G3BP1: variants seen among roughly 807,000 people sequenced by gnomAD.
G3BP1 encodes G3BP stress granule assembly factor 1.
Under a neutral mutation model 58.6 loss-of-function variants are expected in G3BP1, and 35 were observed. The ratio of observed to expected loss-of-function variants is 0.60; its 90% confidence interval spans 0.46 to 0.79. The LOEUF (loss-of-function observed/expected upper bound fraction) is 0.79. G3BP1 is among the 30% of genes least tolerant of loss of function. The pLI is 0.00. For missense variants in G3BP1, 523 were observed against 580.8 expected (o/e 0.90, Z 1.02); for synonymous variants, 191 against 195.4 (o/e 0.98, Z 0.19).
In G3BP1 at chr5:151,797,379, C is replaced by A; in HGVS notation, c.692C>A (p.Ser231Tyr). The A allele has an allele frequency of 6.2e-7, 1 of 1,613,416 alleles. No individual in the cohort carries two copies. Among genetic ancestry groups the A allele is most frequent in the Non-Finnish European group, 8.5e-7 (1 of 1,179,592 alleles). Residue 231 changes from serine to tyrosine, a missense_variant, in exon 7 of 12, where the codon TCT becomes TAT. Around this residue, in one of 2 missense-constraint regions of G3BP1, gnomAD observed 398 missense variants for 399.1 expected, o/e 1.00. Transcript: ENST00000356245. ...ETAPEDAQKS[S>Y]SPAPADIAQT... ...GCCCCTGAGGATGCTCAGAAGAGTT[C>A]TTCTCCAGCACCTGCAGACATAGCT...
intron 1 of G3BP1, among the ~76,000 whole-genome samples, chr5:151,774,741 C>T (rs1281680846): frequency 6.6e-6 from 1 of 151,402 alleles, no homozygotes; most frequent in East Asian, 1.9e-4. Context: ...AAGCCTCGCC[C>T]GCCCCCCAGT....
At position 151,809,460 on chromosome 5, in the gene G3BP1, C is replaced by G. The variant is rs892921445; in HGVS notation, c.*5369C>G. The G allele has an allele frequency of 6.6e-6, 1 of 152,146 alleles. No homozygotes were observed. The highest frequency in any genetic ancestry group is 1.5e-5 in the Non-Finnish European group (1 of 68,034). The allele number at this position is 152,146 out of a possible 1,614,324, so 9.4% of individuals were successfully genotyped here. A position where few individuals can be genotyped will look rare whatever the true frequency, so the allele number is the denominator to read the frequency against. ...AGGATAGGGTGGAAGTAAAATTTAG[C>G]TGATAGCATAGGGATCATTTGTGAT... On this transcript the variant is annotated 3_prime_UTR_variant, in exon 12 of 12. Coordinates refer to ENST00000356245, the MANE Select transcript of G3BP1 (RefSeq NM_005754.3).
At chr5:151,777,212 G>T (rs1762387329) in intron 1 of G3BP1, among the ~76,000 whole-genome samples, 1 of 152,072 alleles carries the variant, frequency 6.6e-6, no homozygotes, top group Admixed American at 6.5e-5. Flanking sequence ...AAAAGATTTT[G>T]TTTCTAAATT....
At chr5:151,774,621 G>T (rs1316872650) in intron 1 of G3BP1, among the ~76,000 whole-genome samples, 1 of 150,710 alleles carries the variant, frequency 6.6e-6, no homozygotes, top group Non-Finnish European at 1.5e-5. Flanking sequence ...AATAGGCATT[G>T]TATGTTTGTT....
chr5:151,793,085 T>C (rs1408589440), intron 4 of G3BP1, among the ~76,000 whole-genome samples: 2 of 151,968 alleles, frequency 1.3e-5, no homozygotes, highest in Non-Finnish European at 2.9e-5. Flanking sequence ...TGGGGAATTT[T>C]AAATATCTGC....
chr5:151,800,237 A>G lies in G3BP1; in HGVS notation c.975A>G (p.Gln325=). 6.2e-7 allele frequency: 1 copy of G among 1,612,790 alleles called. No homozygotes were observed. Among genetic ancestry groups the G allele is most frequent in the Non-Finnish European group, 8.5e-7 (1 of 1,179,854 alleles). ...GPRPIREAGE[Q]GDIEPRRMVR... ...TTTAAGTCCGTGAGGCTGGTGAGCAAGGTGACATTGAACCCCGAAGAATGG... is the reference window on the plus strand; with the variant it reads ...TTTAAGTCCGTGAGGCTGGTGAGCAGGGTGACATTGAACCCCGAAGAATGG... Residue 325 remains glutamine (Q), a synonymous_variant, in exon 10 of 12, where the codon CAA becomes CAG. Transcript: ENST00000356245.
chr5:151,788,572 A>ATGTGTGTGTGTGTG (rs10634385), intron 2 of G3BP1, among the ~76,000 whole-genome samples: 1,691 of 133,266 alleles, frequency 0.013, 29 homozygotes, highest in African/African-American at 0.021. Context: ...CTAAGTTTAT[A>ATGTGTGTGTGTGTG]TGTGTGTGTG....
intron 8 of G3BP1, among the ~76,000 whole-genome samples, chr5:151,799,638 T>C (rs2347596): frequency 0.2 from 30,555 of 151,748 alleles, 3,727 homozygotes; most frequent in South Asian, 0.32. Context: ...TGAGTCATGA[T>C]TGTGCCACTG....
rs1247049447 is a variant in G3BP1 at position 151,812,132 on chromosome 5, A to G, written c.*8041A>G. On this transcript the variant is annotated 3_prime_UTR_variant, in exon 12 of 12. Transcript: ENST00000356245. The stretch of plus-strand genomic sequence containing the variant: ...TGCTGCCCAGCTAAGCACATTTTCT[A>G]CATCCCCAAAGTATTTGGAATCACA... 2 of 152,198 alleles carry G rather than the reference A, an allele frequency of 1.3e-5. No individual in the cohort carries two copies. The highest frequency in any genetic ancestry group is 3.8e-4 in the East Asian group (2 of 5,198). The allele number at this position is 152,198 out of a possible 1,614,324, so 9.4% of individuals were successfully genotyped here. A position where few individuals can be genotyped will look rare whatever the true frequency, so the allele number is the denominator to read the frequency against.
At chr5:151,800,439 A>AT (rs961948384) in intron 10 of G3BP1, 93 bp downstream of exon 10, 82 of 879,002 alleles carry the variant, frequency 9.3e-5, no homozygotes, top group Non-Finnish European at 1.2e-4. Context: ...GTAATTATAA[A>AT]TTTTCTAGTA....
At chr5:151,776,051 G>A (rs1454589621) in intron 1 of G3BP1, among the ~76,000 whole-genome samples, 2 of 152,120 alleles carry the variant, frequency 1.3e-5, no homozygotes, top group East Asian at 3.9e-4. Context: ...TTCTACTAAT[G>A]TCCTTTTTCT....
chr5:151,800,691 G>T, intron 10 of G3BP1, 69 bp from the exon 11 acceptor site: 1 of 940,510 alleles, frequency 1.1e-6, no homozygotes, highest in Non-Finnish European at 1.8e-6. Context: ...CTACTGTATT[G>T]GACTGTGTAC....
chr5:151,790,878 A>ATTG lies in G3BP1; in HGVS notation c.178-9_178-8insGTT. 1 of 1,448,206 alleles carries ATTG rather than the reference A, an allele frequency of 6.9e-7. No homozygotes were observed. Among genetic ancestry groups the ATTG allele is most frequent in the South Asian group, 1.2e-5 (1 of 80,412 alleles). 89.7% of individuals were successfully genotyped at this position (1,448,206 alleles called of 1,614,324 possible). ...TCAGTTGATTATTATTATTATTATTATTTTTTTAAGGAAATCCACAGGAAA... is the reference window on the plus strand; with the variant it reads ...TCAGTTGATTATTATTATTATTATTATTGTTTTTTTAAGGAAATCCACAGGAAA... On this transcript the variant is annotated splice_polypyrimidine_tract_variant and intron_variant, in intron 3 of 11. Transcript: ENST00000356245.
chr5:151,777,449 T>C (rs146443320), intron 1 of G3BP1, among the ~76,000 whole-genome samples: 1 of 152,362 alleles, frequency 6.6e-6, no homozygotes, highest in African/African-American at 2.4e-5. Context: ...TTTTTTTCTA[T>C]ACGGGCTTCC....
chr5:151,773,513 C>T (rs1261037616), intron 1 of G3BP1, among the ~76,000 whole-genome samples: 1 of 152,124 alleles, frequency 6.6e-6, no homozygotes, highest in Non-Finnish European at 1.5e-5. Flanking sequence ...TCTTCAGGGA[C>T]TGGAGCTTAT....
At chr5:151,803,390 G>A (rs893576114) in intron 11 of G3BP1, among the ~76,000 whole-genome samples, 2 of 151,952 alleles carry the variant, frequency 1.3e-5, no homozygotes, top group African/African-American at 4.8e-5. Context: ...TCCGCCACCC[G>A]GGTTCAAGTT....
chr5:151,778,355 G>A (rs1014532892), intron 1 of G3BP1, among the ~76,000 whole-genome samples: 1 of 152,150 alleles, frequency 6.6e-6, no homozygotes, highest in Non-Finnish European at 1.5e-5. Flanking sequence ...CTAGTGATCA[G>A]CATTTTTCAT....
intron 1 of G3BP1, 140 bp downstream of exon 1, chr5:151,772,176 C>T (rs1428264588): frequency 6.6e-6 from 1 of 150,396 alleles, no homozygotes; most frequent in African/African-American, 2.4e-5. Context: ...CCAACGGCCG[C>T]AGGCGCGCGC....
At chr5:151,796,217 C>T (rs1368845657) in intron 6 of G3BP1, among the ~76,000 whole-genome samples, 1 of 152,104 alleles carries the variant, frequency 6.6e-6, no homozygotes, top group Non-Finnish European at 1.5e-5. Context: ...TTCATGGTCC[C>T]ACTGCAAACC....
Sources: allele counts gnomAD v4.1 joint callset (sites outside exome capture counted in the v4.1 genomes callset), GRCh38; gene constraint gnomAD v4.1.1; regional missense constraint gnomAD v4.1.1; transcripts MANE v1.5; gene names NCBI Gene and HGNC (gene_info 2026-07-23, HGNC 2026-07-21).